The following LYAR variants were observed in gnomAD, a reference collection of about 807,000 sequenced individuals.
LYAR encodes cell growth-regulating nucleolar protein.
In LYAR, 37 loss-of-function variants were observed where a neutral mutation model predicts 45.2. The ratio of observed to expected loss-of-function variants is 0.82; its 90% CI spans 0.63 to 1.08. LYAR has a LOEUF of 1.08. Ranked by LOEUF, LYAR falls within the 50% of genes least tolerant of loss-of-function variation. The probability of loss-of-function intolerance (pLI) is 0.00; values close to 1 mark genes in which losing one functional copy is unlikely to be tolerated. For missense variants in LYAR, 493 were observed against 451.0 expected (o/e 1.09, Z -0.84); for synonymous variants, 176 against 155.1 (o/e 1.14, Z -1.00).
intron 8 of LYAR, among the ~76,000 whole-genome samples, chr4:4,270,823 C>T (rs756140040): frequency 1.3e-5 from 2 of 152,186 alleles, no homozygotes; most frequent in African/African-American, 2.4e-5. Flanking sequence ...TTACACACTG[C>T]TACTGGGAAT....
chr4:4,275,464 G>A (rs988760304), intron 6 of LYAR, among the ~76,000 whole-genome samples: 1 of 151,260 alleles, frequency 6.6e-6, no homozygotes, highest in African/African-American at 2.4e-5. Context: ...ATGGGGACAG[G>A]GGTCTTGCTT....
At chr4:4,275,939 G>A (rs1719162520) in intron 6 of LYAR, among the ~76,000 whole-genome samples, 1 of 152,108 alleles carries the variant, frequency 6.6e-6, no homozygotes, top group African/African-American at 2.4e-5. Context: ...CAGGTGATCC[G>A]CCCGACCTGG....
chr4:4,275,491 C>T (rs1315441434), intron 6 of LYAR, among the ~76,000 whole-genome samples: 1 of 150,428 alleles, frequency 6.6e-6, no homozygotes, highest in East Asian at 2.0e-4. Flanking sequence ...GTTGCACAGG[C>T]TGAAATGTAG....
intron 4 of LYAR, among the ~76,000 whole-genome samples, chr4:4,280,398 T>C (rs540413706): frequency 3.9e-5 from 6 of 152,284 alleles, no homozygotes; most frequent in Non-Finnish European, 8.8e-5. Context: ...TGTGTATATA[T>C]ACGTTTTTAC....
intron 1 of LYAR, among the ~76,000 whole-genome samples, chr4:4,287,840 T>G (rs551728461): frequency 1.2e-4 from 19 of 152,296 alleles, no homozygotes; most frequent in African/African-American, 4.6e-4. Context: ...ATTAGAACCC[T>G]AAGTCTTAAT....
chr4:4,284,681 G>A (rs183996897), intron 2 of LYAR, among the ~76,000 whole-genome samples: 88 of 150,502 alleles, frequency 5.8e-4, no homozygotes, highest in African/African-American at 1.9e-3. Context: ...ACACAAATTC[G>A]TCTAGAAGTG....
intron 9 of LYAR, 86 bp from the exon 10 acceptor site, chr4:4,268,109 C>T: frequency 7.9e-7 from 1 of 1,262,838 alleles, no homozygotes; most frequent in East Asian, 2.8e-5. Flanking sequence ...AATAGAACAA[C>T]AGGAAAAAAT....
intron 8 of LYAR, among the ~76,000 whole-genome samples, chr4:4,271,733 A>G (rs190423907): frequency 6.6e-6 from 1 of 152,366 alleles, no homozygotes; most frequent in Non-Finnish European, 1.5e-5. Flanking sequence ...TGTATGACAC[A>G]GCATTGAACA....
At chr4:4,284,424 T>C (rs1719526711) in intron 2 of LYAR, among the ~76,000 whole-genome samples, 1 of 152,138 alleles carries the variant, frequency 6.6e-6, no homozygotes, top group South Asian at 2.1e-4. Context: ...TATTACTATA[T>C]ATCTACAAAG....
chr4:4,272,914 C>T (rs889458545), intron 8 of LYAR, among the ~76,000 whole-genome samples: 18 of 152,046 alleles, frequency 1.2e-4, no homozygotes, highest in Non-Finnish European at 2.6e-4. Context: ...TGCCACCTCC[C>T]GACAGGTATG....
In LYAR at chr4:4,279,735, T is replaced by A; in HGVS notation, c.252A>T (p.Leu84Phe). Residue 84 changes from leucine (L) to phenylalanine (F), a missense_variant, in exon 5 of 10, where the codon TTA (leucine) becomes TTT (phenylalanine). Coordinates refer to ENST00000343470, the MANE Select transcript of LYAR (RefSeq NM_017816.3). ...QQAWIQKISELIKRPNVSPKV... is the reference protein window; with the variant it reads ...QQAWIQKISEFIKRPNVSPKV... ...TGGGGCTGACATTGGGTCTCTTTAT[T>A]AATTCACTAATTTTCTACAAAAAGG... is the stretch of plus-strand genomic sequence containing the variant. 1 of 1,596,440 alleles carries A rather than the reference T, an allele frequency of 6.3e-7. No individual in the cohort carries two copies. Among genetic ancestry groups the A allele is most frequent in the Non-Finnish European group, 8.6e-7 (1 of 1,168,836 alleles).
Position 4,267,765 on chromosome 4 carries a change from C to T in LYAR, c.*124G>A. ...AAAAGTTATACCAAAAATATATTTTCTTAACTTAAAAATACAGCTTCAAAA... is the reference window on the plus strand; with the variant it reads ...AAAAGTTATACCAAAAATATATTTTTTTAACTTAAAAATACAGCTTCAAAA... On this transcript the variant is annotated 3_prime_UTR_variant, in exon 10 of 10. Coordinates refer to ENST00000343470, the MANE Select transcript of LYAR (RefSeq NM_017816.3). The T allele has an allele frequency of 1.6e-6, 1 of 611,104 alleles. No individual in the cohort carries two copies. Among genetic ancestry groups the T allele is most frequent in the South Asian group, 4.3e-5 (1 of 23,222 alleles). The allele number at this position is 611,104 out of a possible 1,614,324, so 37.9% of individuals were successfully genotyped here.
intron 7 of LYAR, among the ~76,000 whole-genome samples, chr4:4,273,884 G>A (rs765172679): frequency 5.9e-5 from 9 of 152,206 alleles, no homozygotes; most frequent in Admixed American, 1.3e-4. Context: ...TCATTTGCCT[G>A]GGCAGGGCCC....
At chr4:4,276,310 AG>A (rs1420190198) in intron 6 of LYAR, among the ~76,000 whole-genome samples, 1 of 152,182 alleles carries the variant, frequency 6.6e-6, no homozygotes, top group Non-Finnish European at 1.5e-5. Flanking sequence ...GTGGGTAGCA[AG>A]GACTATGTCC....
intron 1 of LYAR, among the ~76,000 whole-genome samples, chr4:4,289,268 AG>A (rs2108856809): frequency 6.6e-6 from 1 of 152,332 alleles, no homozygotes; most frequent in South Asian, 2.1e-4. Context: ...CGGCATCACC[AG>A]CACTGTTTTA....
intron 1 of LYAR, among the ~76,000 whole-genome samples, chr4:4,288,510 G>A (rs1719713579): frequency 7.0e-6 from 1 of 141,926 alleles, no homozygotes; most frequent in Non-Finnish European, 1.5e-5. Flanking sequence ...TTTTGAGACG[G>A]AGTCTCATTC....
chr4:4,276,378 A>T (rs1030073956), intron 6 of LYAR, among the ~76,000 whole-genome samples: 3 of 152,154 alleles, frequency 2.0e-5, no homozygotes, highest in African/African-American at 4.8e-5. Flanking sequence ...AGGACTCAGG[A>T]CTCAGACCTT....
rs749061342 is a variant in LYAR, at chr4:4,274,695, C to G, written c.504G>C (p.Lys168Asn). 1 of 1,613,938 alleles carries G rather than the reference C, an allele frequency of 6.2e-7. No homozygotes were observed. The highest frequency in any genetic ancestry group is 8.5e-7 in the Non-Finnish European group (1 of 1,180,010). The change falls in exon 7 of 10, where the codon AAG (lysine) becomes AAC (asparagine). Residue 168 changes from lysine (K) to asparagine (N), a missense_variant. Lys to Asn is a moderately conservative substitution (Grantham distance 94). Transcript: ENST00000343470. ...CGTCTTTCACTTTGGAGGCTGGAAC[C>G]TTGGTGGAGATTTCTGCATGTGGAT... ...VANPHAEIST[K>N]VPASKVKDAV...
At chr4:4,286,646 CT>C (rs11364697) in intron 1 of LYAR, 74 bp from the exon 2 acceptor site, 61,290 of 128,542 alleles carry the variant, frequency 0.48, 14,015 homozygotes, top group Middle Eastern at 0.61. Flanking sequence ...TTTAATTAAA[CT>C]TTTTTTTTTT....
Sources: allele counts gnomAD v4.1 joint callset (sites outside exome capture counted in the v4.1 genomes callset), GRCh38; gene constraint gnomAD v4.1.1; transcripts MANE v1.5; gene names NCBI Gene and HGNC (gene_info 2026-07-23, HGNC 2026-07-21).